ZSWIM5: variants seen among roughly 807,000 people sequenced by gnomAD.
ZSWIM5 encodes the protein zinc finger SWIM domain-containing protein 5.
A neutral mutation model predicts 119.6 loss-of-function variants in ZSWIM5; 55 were observed. That is an observed-to-expected ratio of 0.46 (90% CI 0.37 to 0.58). The LOEUF (loss-of-function observed/expected upper bound fraction) is 0.58, where lower values mean the gene tolerates loss of function less well. Among genes scored for constraint, ZSWIM5 ranks in the 20% least tolerant of loss-of-function variants. The pLI, the probability that ZSWIM5 is intolerant of heterozygous loss-of-function variation, is 0.00. For missense variants in ZSWIM5, 1,193 were observed against 1,512.8 expected (o/e 0.79, Z 3.51); for synonymous variants, 537 against 606.9 (o/e 0.88, Z 1.69).
chr1:45,028,710 C>T (rs774480402), intron 11 of ZSWIM5, among the ~76,000 whole-genome samples: 12 of 151,866 alleles, frequency 7.9e-5, no homozygotes, highest in African/African-American at 1.9e-4. Flanking sequence ...GAGCTGAAAT[C>T]GCGCCACTCA....
At chr1:45,164,094 G>A (rs1270905784) in intron 1 of ZSWIM5, among the ~76,000 whole-genome samples, 1 of 152,198 alleles carries the variant, frequency 6.6e-6, no homozygotes, top group East Asian at 1.9e-4. Context: ...CCCATAAAGG[G>A]AAGCCCATCA....
chr1:45,030,155 G>A (rs142192180), intron 11 of ZSWIM5, among the ~76,000 whole-genome samples: 98 of 152,156 alleles, frequency 6.4e-4, no homozygotes, highest in African/African-American at 2.2e-3. Flanking sequence ...TGTTGCCCAG[G>A]CTGGTCTCAA....
intron 5 of ZSWIM5, among the ~76,000 whole-genome samples, chr1:45,044,988 A>G (rs6429556): frequency 0.94 from 135,225 of 144,182 alleles, 63,452 homozygotes; most frequent in Middle Eastern, 0.99. Context: ...GTAACAAAGC[A>G]AGATCATGCC....
At chr1:45,091,474 T>C (rs900624478) in intron 1 of ZSWIM5, among the ~76,000 whole-genome samples, 5 of 127,326 alleles carry the variant, frequency 3.9e-5, no homozygotes, top group African/African-American at 1.5e-4. Context: ...CTGGGCAATA[T>C]AGCAAGACCC....
intron 1 of ZSWIM5, among the ~76,000 whole-genome samples, chr1:45,202,412 C>T (rs1235821664): frequency 6.6e-6 from 1 of 152,034 alleles, no homozygotes; most frequent in Non-Finnish European, 1.5e-5. Context: ...TTATAGATAA[C>T]TTCCTGAAAT....
intron 2 of ZSWIM5, among the ~76,000 whole-genome samples, chr1:45,070,799 G>T (rs896878537): frequency 2.6e-5 from 4 of 151,786 alleles, no homozygotes; most frequent in African/African-American, 7.3e-5. Context: ...TCCTACATTG[G>T]CTCCTCTTTC....
chr1:45,193,940 A>G lies in ZSWIM5; in HGVS notation c.595+11816T>C, dbSNP rs562314807. On this transcript the variant is annotated intron_variant, in intron 1 of 13. Coordinates refer to ENST00000359600, the MANE Select transcript of ZSWIM5 (RefSeq NM_020883.2). ...TGTGTACATATGTGTGCATATGTGT[A>G]TATATATATATATATACATACATGC... Among the ~76,000 whole-genome samples the G allele has an allele frequency of 2.1e-3, 296 of 142,444 alleles. 1 individual carries two copies. The highest frequency in any genetic ancestry group is 2.8e-3 in the Non-Finnish European group (183 of 66,472). The allele number at this position is 142,444 out of a possible 152,430, so 93.4% of individuals were successfully genotyped here. A position where few individuals can be genotyped will look rare whatever the true frequency, so the allele number is the denominator to read the frequency against.
At chr1:45,029,156 C>A (rs7514998) in intron 11 of ZSWIM5, among the ~76,000 whole-genome samples, 4 of 152,034 alleles carry the variant, frequency 2.6e-5, no homozygotes, top group South Asian at 2.1e-4. Context: ...CATCTACCAC[C>A]GACCTCATTC....
At chr1:45,186,805 G>A (rs533839286) in intron 1 of ZSWIM5, among the ~76,000 whole-genome samples, 1 of 152,120 alleles carries the variant, frequency 6.6e-6, no homozygotes, top group South Asian at 2.1e-4. Context: ...TGGCCAGGCT[G>A]GTCTCGAACT....
At chr1:45,073,842 C>T (rs1171436305) in intron 2 of ZSWIM5, among the ~76,000 whole-genome samples, 2 of 151,802 alleles carry the variant, frequency 1.3e-5, no homozygotes, top group Non-Finnish European at 2.9e-5. Flanking sequence ...CAGTTTTTCC[C>T]CATTCAATAT....
rs1400334655 is a variant in ZSWIM5 at position 45,138,522 on chromosome 1, AAAG to A, written c.596-50288_596-50286del. On this transcript the variant is annotated intron_variant, in intron 1 of 13. Transcript: ENST00000359600. ...CTCCATCTCAAAAAAAAAAAAAAAA[AAAG>A]AAAGGAAGAAAAACAAAATAGAGTA... Among the ~76,000 whole-genome samples the A allele has an allele frequency of 3.3e-5, 5 of 150,432 alleles. No individual in the cohort carries two copies. The East Asian group carries it at 1.1e-3, about 34-fold the overall frequency.
chr1:45,045,401 A>G (rs1472858404), intron 5 of ZSWIM5, among the ~76,000 whole-genome samples: 1 of 152,230 alleles, frequency 6.6e-6, no homozygotes, highest in African/African-American at 2.4e-5. Context: ...GGAATGTCAG[A>G]GAATTCATAC....
intron 1 of ZSWIM5, among the ~76,000 whole-genome samples, chr1:45,137,930 T>TGGC (rs1481305980): frequency 2.6e-5 from 4 of 152,154 alleles, no homozygotes; most frequent in Non-Finnish European, 5.9e-5. Context: ...AGGAGGCCAG[T>TGGC]TACATGGCTA....
intron 1 of ZSWIM5, among the ~76,000 whole-genome samples, chr1:45,144,075 G>T (rs1053994395): frequency 1.3e-5 from 2 of 152,036 alleles, no homozygotes; most frequent in African/African-American, 4.8e-5. Flanking sequence ...TCCTAAACTT[G>T]ATATATAGGT....
At chr1:45,197,491 T>C (rs1036572853) in intron 1 of ZSWIM5, among the ~76,000 whole-genome samples, 4 of 152,238 alleles carry the variant, frequency 2.6e-5, no homozygotes, top group Admixed American at 1.3e-4. Flanking sequence ...TTCTTTTTTA[T>C]TGCTGAACAG....
intron 1 of ZSWIM5, among the ~76,000 whole-genome samples, chr1:45,167,125 A>G (rs1009352840): frequency 6.6e-6 from 1 of 152,052 alleles, no homozygotes; most frequent in African/African-American, 2.4e-5. Flanking sequence ...CAAAACAGAG[A>G]TATAGACCCA....
chr1:45,043,295 A>G lies in ZSWIM5; in HGVS notation c.1533T>C (p.Asp511=), dbSNP rs771045032. 1.9e-6 allele frequency: 3 copies of G among 1,614,106 alleles called. No individual in the cohort carries two copies. In the African/African-American group the frequency reaches 4.0e-5, roughly 22 times the overall value. The change falls in exon 6 of 14, where the codon GAT becomes GAC. Residue 511 remains aspartate, a synonymous_variant. Coordinates refer to ENST00000359600, the MANE Select transcript of ZSWIM5 (RefSeq NM_020883.2). ...DSHLQRIISS[D]VYTAPACQRE... ...GCTGGCAGGCAGGAGCTGTATAAAC[A>G]TCACTGCTGATTATTCGCTGTAGGT...
intron 1 of ZSWIM5, 119 bp downstream of exon 1, chr1:45,205,637 T>G: frequency 9.1e-7 from 1 of 1,099,090 alleles, no homozygotes; most frequent in African/African-American, 1.7e-5. Flanking sequence ...TGTTCGTCCT[T>G]CGGCAGGGGT....
chr1:45,062,294 A>C (rs1181670610), intron 2 of ZSWIM5, among the ~76,000 whole-genome samples: 3 of 152,100 alleles, frequency 2.0e-5, no homozygotes, highest in African/African-American at 7.2e-5. Flanking sequence ...TCGTCTCCCT[A>C]TGTCAGAACT....
Sources: allele counts gnomAD v4.1 joint callset (sites outside exome capture counted in the v4.1 genomes callset), GRCh38; gene constraint gnomAD v4.1.1; transcripts MANE v1.5; gene names NCBI Gene and HGNC (gene_info 2026-07-23, HGNC 2026-07-21).